The following RERE variants were observed in gnomAD, a reference collection of about 807,000 sequenced individuals.
RERE encodes the protein arginine-glutamic acid dipeptide repeats, also known as arginine-glutamic acid dipeptide repeats protein.
A neutral mutation model predicts 146.1 loss-of-function variants in RERE; 40 were observed. That is an observed-to-expected ratio of 0.27 (90% CI 0.21 to 0.36). The LOEUF is 0.36. Ranked by LOEUF, RERE falls within the 10% of genes least tolerant of loss-of-function variation. The probability of loss-of-function intolerance (pLI) is 1.00; values close to 1 mark genes in which losing one functional copy is unlikely to be tolerated. For synonymous variants in RERE, 1,003 were observed against 866.0 expected, an observed-to-expected ratio of 1.16 and a Z score of -2.78; for missense variants, 1,933 against 2,138.7, an observed-to-expected ratio of 0.90 and a Z score of 1.90.
chr1:8,704,303 G>T (rs1639516887), intron 1 of RERE, among the ~76,000 whole-genome samples: 1 of 152,160 alleles, frequency 6.6e-6, no homozygotes, highest in Non-Finnish European at 1.5e-5. Context: ...TCCTCCCAAA[G>T]ACATTGTATA....
chr1:8,479,924 G>GGGCAAATA (rs1313948979), intron 10 of RERE, among the ~76,000 whole-genome samples: 1 of 152,060 alleles, frequency 6.6e-6, no homozygotes, highest in African/African-American at 2.4e-5. Flanking sequence ...ATGAATACTA[G>GGGCAAATA]GGCAAATATT....
chr1:8,569,393 C>G (rs1028644362), intron 4 of RERE, among the ~76,000 whole-genome samples: 1 of 152,106 alleles, frequency 6.6e-6, no homozygotes, highest in African/African-American at 2.4e-5. Flanking sequence ...TTACACATGA[C>G]ATAGCCAGAA....
intron 1 of RERE, among the ~76,000 whole-genome samples, chr1:8,715,734 T>C (rs1438606453): frequency 6.6e-6 from 1 of 152,000 alleles, no homozygotes; most frequent in Non-Finnish European, 1.5e-5. Context: ...CAAAACCTTG[T>C]CTCTACAAAA....
chr1:8,607,292 T>C (rs944582766), intron 4 of RERE, among the ~76,000 whole-genome samples: 3 of 149,854 alleles, frequency 2.0e-5, no homozygotes, highest in Non-Finnish European at 4.4e-5. Context: ...ACTGGGAGGT[T>C]GAGGCTGCAG....
chr1:8,789,643 G>A (rs900938340), intron 1 of RERE, among the ~76,000 whole-genome samples: 4 of 152,026 alleles, frequency 2.6e-5, no homozygotes, highest in South Asian at 4.1e-4. Flanking sequence ...CAGACACTCC[G>A]TGCCTAGCAT....
At chr1:8,630,329 A>G (rs889154417) in intron 2 of RERE, among the ~76,000 whole-genome samples, 2 of 152,094 alleles carry the variant, frequency 1.3e-5, no homozygotes, top group African/African-American at 2.4e-5. Flanking sequence ...TCAACTCTAT[A>G]AACAATGCAC....
At chr1:8,473,793 G>T (rs1644721107) in intron 10 of RERE, among the ~76,000 whole-genome samples, 1 of 152,176 alleles carries the variant, frequency 6.6e-6, no homozygotes, top group Admixed American at 6.5e-5. Flanking sequence ...AATGGAAAGT[G>T]CTAAATGAGA....
At chr1:8,504,541 A>G (rs1439097997) in intron 8 of RERE, among the ~76,000 whole-genome samples, 1 of 152,220 alleles carries the variant, frequency 6.6e-6, no homozygotes, top group East Asian at 1.9e-4. Context: ...AATCCCTAAT[A>G]AAATAATGGA....
intron 1 of RERE, among the ~76,000 whole-genome samples, chr1:8,680,323 G>A (rs1318299675): frequency 6.6e-6 from 1 of 152,192 alleles, no homozygotes. Context: ...ATCTCTGAGG[G>A]GAAAGGTCAG....
intron 1 of RERE, among the ~76,000 whole-genome samples, chr1:8,662,493 G>GA (rs1638477739): frequency 6.6e-6 from 1 of 152,120 alleles, no homozygotes; most frequent in Admixed American, 6.5e-5. Context: ...ACCAACCTGG[G>GA]AAACACAGCA....
chr1:8,355,580 G>A lies in RERE; in HGVS notation c.4506C>T (p.Asp1502=), dbSNP rs1305211391. The A allele has an allele frequency of 3.1e-6, 5 of 1,588,862 alleles. No individual in the cohort carries two copies. Among genetic ancestry groups the A allele is most frequent in the Non-Finnish European group, 4.3e-6 (5 of 1,165,042 alleles). ...HPVFGTPYPR[D]LPGAIPPPMS... ...TGGGGGGTGGGATGGCCCCAGGCAGGTCACGGGGGTAGGGGGTGCCTGCCG... is the reference window on the plus strand; with the variant it reads ...TGGGGGGTGGGATGGCCCCAGGCAGATCACGGGGGTAGGGGGTGCCTGCCG... The change falls in exon 22 of 23, where the codon GAC becomes GAT. Residue 1502 remains aspartate (D), a synonymous_variant. Coordinates refer to ENST00000400908, the MANE Select transcript of RERE (RefSeq NM_001042681.2).
At chr1:8,781,071 T>C (rs1327195468) in intron 1 of RERE, among the ~76,000 whole-genome samples, 1 of 149,636 alleles carries the variant, frequency 6.7e-6, no homozygotes, top group Non-Finnish European at 1.5e-5. Context: ...AAAAAAAAAA[T>C]TCTCGGCCAG....
intron 1 of RERE, among the ~76,000 whole-genome samples, chr1:8,793,062 CAGG>C (rs778842835): frequency 2.0e-4 from 30 of 146,864 alleles, no homozygotes; most frequent in Non-Finnish European, 3.6e-4. Context: ...GAGGCCGAGG[CAGG>C]AGAATTGCTA....
intron 1 of RERE, among the ~76,000 whole-genome samples, chr1:8,685,836 G>A (rs1206331054): frequency 6.6e-6 from 1 of 152,178 alleles, no homozygotes; most frequent in Non-Finnish European, 1.5e-5. Context: ...GTGGTTTGGG[G>A]AAAAACATCA....
rs371928747 is a variant in RERE at position 8,645,517 on chromosome 1, C to G, written c.325+10456G>C. On this transcript the variant is annotated intron_variant, in intron 2 of 22. Transcript: ENST00000400908. The stretch of plus-strand genomic sequence containing the variant: ...GGAAGCACTAATGAGTGATTAGTGA[C>G]TCTCAAATCTAAACGTGTGTTTAAA... Among the ~76,000 whole-genome samples, 4 of 152,256 alleles carry G rather than the reference C, an allele frequency of 2.6e-5. No homozygotes were observed. The East Asian group carries it at 5.8e-4, about 22-fold the overall frequency.
At chr1:8,482,039 C>T (rs548403076) in intron 10 of RERE, among the ~76,000 whole-genome samples, 14 of 152,178 alleles carry the variant, frequency 9.2e-5, no homozygotes, top group Middle Eastern at 3.4e-3. Context: ...TACCACCACA[C>T]GGATGATGCC....
chr1:8,381,032 A>G (rs1312122141), intron 12 of RERE: 2 of 456,468 alleles, frequency 4.4e-6, no homozygotes, highest in Non-Finnish European at 8.8e-6. Flanking sequence ...AGACACCTGG[A>G]ACGCCTTCTC....
chr1:8,477,238 T>C (rs991294643), intron 10 of RERE, among the ~76,000 whole-genome samples: 1 of 152,218 alleles, frequency 6.6e-6, no homozygotes, highest in Non-Finnish European at 1.5e-5. Flanking sequence ...TGTAGGCTGC[T>C]TGCCGGGGCA....
At chr1:8,384,163 C>T (rs764667976) in intron 12 of RERE, among the ~76,000 whole-genome samples, 19 of 152,172 alleles carry the variant, frequency 1.2e-4, no homozygotes, top group Admixed American at 3.9e-4. Flanking sequence ...TTCCTCAGGT[C>T]GGGGTCTTAC....
Sources: gnomAD v4.1 joint callset for allele counts (sites outside exome capture counted in the v4.1 genomes callset) on GRCh38, gnomAD v4.1.1 for gene constraint, MANE v1.5 for transcripts, NCBI Gene and HGNC (gene_info 2026-07-23, HGNC 2026-07-21) for gene names.